TENT5B: variants seen among roughly 807,000 people sequenced by gnomAD.
The protein encoded by TENT5B is family with sequence similarity 46 member B.
Under a neutral mutation model 21.7 loss-of-function variants are expected in TENT5B, and 12 were observed. The ratio of observed to expected loss-of-function variants is 0.55; its 90% CI spans 0.36 to 0.90. The LOEUF (loss-of-function observed/expected upper bound fraction) is 0.90, where lower values mean the gene tolerates loss of function less well. TENT5B is among the 40% of genes least tolerant of loss of function. The probability of loss-of-function intolerance (pLI) is 0.01; values close to 1 mark genes in which losing one functional copy is unlikely to be tolerated. For missense variants in TENT5B, 540 were observed against 601.5 expected, an observed-to-expected ratio of 0.90 and a Z score of 1.07; for synonymous variants, 262 against 266.6, an observed-to-expected ratio of 0.98 and a Z score of 0.17.
rs1187608265 is a variant in TENT5B at position 27,005,295 on chromosome 1, G to A, written c.*649C>T. 6.6e-6 allele frequency: 1 copy of A among 152,564 alleles called. No individual in the cohort carries two copies. The highest frequency in any genetic ancestry group is 2.4e-5 in the African/African-American group (1 of 41,440). 9.5% of individuals were successfully genotyped at this position (152,564 alleles called of 1,614,324 possible). A position where few individuals can be genotyped will look rare whatever the true frequency, so the allele number is the denominator to read the frequency against. On this transcript the variant is annotated 3_prime_UTR_variant, in exon 2 of 2. Coordinates refer to ENST00000289166, the MANE Select transcript of TENT5B (RefSeq NM_052943.4). ...GGCTGCGACCCACCCTGGGCTGCTT[G>A]GCTCCTGTATACTGCCCACCTCAAC...
In TENT5B at chr1:27,005,924, C is replaced by T; in HGVS notation, c.*20G>A. The T allele has an allele frequency of 6.5e-7, 1 of 1,531,484 alleles. No individual in the cohort carries two copies. The highest frequency in any genetic ancestry group is 2.1e-5 in the Admixed American group (1 of 48,622). 94.9% of individuals were successfully genotyped at this position (1,531,484 alleles called of 1,614,324 possible). ...CCACCCCGTGAGGCCCAGTCCCTTC[C>T]CTTCTGGCCAGGGTCTGAGTCAGTT... On this transcript the variant is annotated 3_prime_UTR_variant, in exon 2 of 2. Coordinates refer to ENST00000289166, the MANE Select transcript of TENT5B (RefSeq NM_052943.4).
intron 1 of TENT5B, among the ~76,000 whole-genome samples, 166 bp downstream of exon 1, chr1:27,012,241 G>A (rs188647159): frequency 4.6e-5 from 7 of 152,318 alleles, no homozygotes; most frequent in African/African-American, 1.7e-4. Context: ...AGTAGATGCA[G>A]GGGGAGGTCT....
At chr1:27,008,906 CT>C (rs71582831) in intron 1 of TENT5B, among the ~76,000 whole-genome samples, 66 of 124,832 alleles carry the variant, frequency 5.3e-4, no homozygotes, top group Middle Eastern at 4.8e-3. Context: ...CAGGCCAAGT[CT>C]TTTTTTTTTT....
rs904674206 is a variant in TENT5B, at chr1:27,005,700, G to A, written c.*244C>T. ...AGACAAATGGCGCCTGCACCCCACC[G>A]GCATGCTGGTCCAAAAGTGTGATGC... is the stretch of plus-strand genomic sequence containing the variant. On this transcript the variant is annotated 3_prime_UTR_variant, in exon 2 of 2. Transcript: ENST00000289166. 16 of 478,114 alleles carry A rather than the reference G, an allele frequency of 3.3e-5. No homozygotes were observed. The highest frequency in any genetic ancestry group is 1.2e-4 in the African/African-American group (6 of 50,490). 29.6% of individuals were successfully genotyped at this position (478,114 alleles called of 1,614,324 possible). A position where few individuals can be genotyped will look rare whatever the true frequency, so the allele number is the denominator to read the frequency against.
chr1:27,009,038 GGAATGCAGT>G (rs141397430), intron 1 of TENT5B, among the ~76,000 whole-genome samples: 2,182 of 118,562 alleles, frequency 0.018, 33 homozygotes, highest in Non-Finnish European at 0.026. Flanking sequence ...AGCTGAGGGT[GGAATGCAGT>G]GAATGCAGTG....
rs373891927 is a variant in TENT5B, at chr1:27,012,363, C to A, written c.264+44G>T. ...ACAAATGCCTTCCAGCCACGAGAGC[C>A]TCAGAAGGGATTCCCCCACATCCCC... On this transcript the variant is annotated intron_variant, in intron 1 of 1. Transcript: ENST00000289166. The A allele has an allele frequency of 2.5e-6, 4 of 1,590,936 alleles. No individual in the cohort carries two copies. In the African/African-American group the frequency reaches 5.4e-5, roughly 21 times the overall value.
chr1:27,009,569 T>C (rs556006172), intron 1 of TENT5B, among the ~76,000 whole-genome samples: 4 of 152,186 alleles, frequency 2.6e-5, no homozygotes, highest in Non-Finnish European at 5.9e-5. Context: ...GTCCAGCCTG[T>C]GGGACTTCTA....
chr1:27,012,352 G>T, intron 1 of TENT5B, 55 bp downstream of exon 1: 1 of 1,574,008 alleles, frequency 6.4e-7, no homozygotes, highest in East Asian at 2.3e-5. Flanking sequence ...ATGCCTTCCA[G>T]CCACGAGAGC....
intron 1 of TENT5B, among the ~76,000 whole-genome samples, chr1:27,011,642 G>A (rs985138433): frequency 6.6e-6 from 1 of 152,196 alleles, no homozygotes; most frequent in African/African-American, 2.4e-5. Context: ...GGGTCGTTGA[G>A]GTTCAGATAA....
At chr1:27,010,991 A>C (rs1030556414) in intron 1 of TENT5B, among the ~76,000 whole-genome samples, 1 of 151,974 alleles carries the variant, frequency 6.6e-6, no homozygotes, top group Non-Finnish European at 1.5e-5. Flanking sequence ...GTTCTTGCAG[A>C]GGGGGGCTGC....
Position 27,006,255 on chromosome 1 carries a change from G to T in TENT5B, c.967C>A (p.Leu323Ile). ...FPDLVEQRRT[L>I]ERYLEAHFGG... The stretch of plus-strand genomic sequence containing the variant: ...AAGTGGGCCTCCAGGTAGCGCTCTA[G>T]GGTGCGCCGCTGCTCCACCAGGTCT... The change falls in exon 2 of 2, where the codon CTA (leucine) becomes ATA (isoleucine). Residue 323 changes from leucine to isoleucine, a missense_variant. Coordinates refer to ENST00000289166, the MANE Select transcript of TENT5B (RefSeq NM_052943.4). The surrounding 1 kb of genome is among the most constrained non-coding windows in gnomAD (Gnocchi z 9.4). 6.2e-7 allele frequency: 1 copy of T among 1,612,630 alleles called. No homozygotes were observed. The highest frequency in any genetic ancestry group is 8.5e-7 in the Non-Finnish European group (1 of 1,179,722).
At position 27,006,248 on chromosome 1, in the gene TENT5B, C is replaced by A. The variant is rs760083526; in HGVS notation, c.974G>T (p.Arg325Leu). Residue 325 changes from arginine to leucine, a missense_variant, in exon 2 of 2, where the codon CGC (arginine) becomes CTC (leucine). Arg to Leu is a moderately radical substitution (Grantham distance 102). Transcript: ENST00000289166. This position sits in a 1 kb window ranked among gnomAD's most constrained non-coding sequence, Gnocchi z 9.4. ...CCCACCGAAGTGGGCCTCCAGGTAG[C>A]GCTCTAGGGTGCGCCGCTGCTCCAC... The part of the protein sequence containing the change: ...DLVEQRRTLE[R>L]YLEAHFGGAD... 5 of 1,612,410 alleles carry A rather than the reference C, an allele frequency of 3.1e-6. No individual in the cohort carries two copies. The highest frequency in any genetic ancestry group is 4.2e-6 in the Non-Finnish European group (5 of 1,179,654).
intron 1 of TENT5B, among the ~76,000 whole-genome samples, chr1:27,012,174 C>T (rs1242978060): frequency 6.6e-6 from 1 of 152,128 alleles, no homozygotes; most frequent in Non-Finnish European, 1.5e-5. Context: ...GTGAGTGATC[C>T]GTGGGGAATC....
chr1:27,005,449 C>T lies in TENT5B; in HGVS notation c.*495G>A, dbSNP rs771386867. 1 of 154,550 alleles carries T rather than the reference C, an allele frequency of 6.5e-6. No individual in the cohort carries two copies. Among genetic ancestry groups the T allele is most frequent in the Non-Finnish European group, 1.4e-5 (1 of 69,658 alleles). 9.6% of individuals were successfully genotyped at this position (154,550 alleles called of 1,614,324 possible). ...TCCTCCCAGTGATTACCCAAGTTGG[C>T]CCATCAGGCCCTGTAGTGGCCCAGC... On this transcript the variant is annotated 3_prime_UTR_variant, in exon 2 of 2. Coordinates refer to ENST00000289166, the MANE Select transcript of TENT5B (RefSeq NM_052943.4).
Position 27,006,920 on chromosome 1 carries a change from A to C in TENT5B, c.302T>G (p.Val101Gly), listed in dbSNP as rs1327284470. Residue 101 changes from valine to glycine, a missense_variant, in exon 2 of 2, where the codon GTG (valine) becomes GGG (glycine). Val to Gly is a moderately radical substitution (Grantham distance 109, BLOSUM62 -3). Transcript: ENST00000289166. The surrounding 1 kb of genome is among the most constrained non-coding windows in gnomAD (Gnocchi z 9.4). ...TGAACCATGCAGCCGCACACTGTGC[A>C]CATGTAGTCCCTGCTCCTCCAGGGT... is the stretch of plus-strand genomic sequence containing the variant. ...RSTLEEQGLH[V>G]HSVRLHGSAA... 2 of 1,605,560 alleles carry C rather than the reference A, an allele frequency of 1.2e-6. No individual in the cohort carries two copies. The highest frequency in any genetic ancestry group is 1.7e-6 in the Non-Finnish European group (2 of 1,174,126).
rs1281174085 is a variant in TENT5B, at chr1:27,012,389, C to T, written c.264+18G>A. Reference sequence around the variant, plus strand: ...TCAGAAGGGATTCCCCCACATCCCCCGCCTGGCGTCCTCTCACCTGCACGA... The same window carrying T: ...TCAGAAGGGATTCCCCCACATCCCCTGCCTGGCGTCCTCTCACCTGCACGA... On this transcript the variant is annotated intron_variant, in intron 1 of 1. Coordinates refer to ENST00000289166, the MANE Select transcript of TENT5B (RefSeq NM_052943.4). The T allele has an allele frequency of 6.2e-7, 1 of 1,607,132 alleles. No homozygotes were observed. Among genetic ancestry groups the T allele is most frequent in the Non-Finnish European group, 8.5e-7 (1 of 1,177,710 alleles).
chr1:27,011,244 G>A (rs1570784633), intron 1 of TENT5B, among the ~76,000 whole-genome samples: 1 of 152,176 alleles, frequency 6.6e-6, no homozygotes, highest in African/African-American at 2.4e-5. Context: ...GGGAGGGTGG[G>A]GGAGGTAATC....
intron 1 of TENT5B, among the ~76,000 whole-genome samples, chr1:27,010,940 C>T (rs1307776800): frequency 1.3e-5 from 2 of 152,138 alleles, no homozygotes; most frequent in Admixed American, 6.5e-5. Context: ...CTGAGCCATA[C>T]TGACAGGGCA....
intron 1 of TENT5B, among the ~76,000 whole-genome samples, chr1:27,007,358 G>A (rs1367686758): frequency 6.6e-6 from 1 of 151,656 alleles, no homozygotes. Flanking sequence ...AACAGCTGGT[G>A]AATGCAGAGC....
Sources: allele counts gnomAD v4.1 joint callset (sites outside exome capture counted in the v4.1 genomes callset), GRCh38; gene constraint gnomAD v4.1.1; non-coding constraint Gnocchi (gnomAD v3.1); transcripts MANE v1.5; gene names NCBI Gene and HGNC (gene_info 2026-07-23, HGNC 2026-07-21).